Variants in CNTNAP2 observed in about 807,000 individuals in gnomAD.
The protein encoded by CNTNAP2 is contactin associated protein 2, also known as contactin-associated protein-like 2.
Under a neutral mutation model 155.2 loss-of-function variants are expected in CNTNAP2, and 98 were observed. The observed-to-expected ratio is 0.63, with a 90% CI of 0.54 to 0.75. The LOEUF (loss-of-function observed/expected upper bound fraction) is 0.75. CNTNAP2 is among the 30% of genes least tolerant of loss of function. The pLI is 0.00. For synonymous variants in CNTNAP2, 651 were observed against 631.2 expected, an observed-to-expected ratio of 1.03 and a Z score of -0.47; for missense variants, 1,727 against 1,688.1, an observed-to-expected ratio of 1.02 and a Z score of -0.40.
chr7:148,134,033 C>A (rs1030693345), intron 16 of CNTNAP2, among the ~76,000 whole-genome samples: 1 of 152,158 alleles, frequency 6.6e-6, no homozygotes, highest in Non-Finnish European at 1.5e-5. Context: ...AGGACCACTT[C>A]AAAGATACCT....
rs1246877925 is a variant in CNTNAP2, at chr7:148,366,031, T to C, written c.3476-17618T>C. Among the ~76,000 whole-genome samples, 2 of 1,648 alleles carry C rather than the reference T, an allele frequency of 1.2e-3. 1 individual carries two copies. Among genetic ancestry groups the C allele is most frequent in the African/African-American group, 1.4e-3 (2 of 1,448 alleles). 1.1% of individuals were successfully genotyped at this position (1,648 alleles called of 152,430 possible). On this transcript the variant is annotated intron_variant, in intron 21 of 23. Coordinates refer to ENST00000361727, the MANE Select transcript of CNTNAP2 (RefSeq NM_014141.6). ...ATGTGTGTATGCATGTATGCATGTG[T>C]GTGTATGCATGTATGCATGTGTGTG...
intron 11 of CNTNAP2, among the ~76,000 whole-genome samples, chr7:147,510,764 A>G (rs1799001944): frequency 6.7e-6 from 1 of 148,954 alleles, no homozygotes; most frequent in African/African-American, 2.5e-5. Flanking sequence ...TATGACAAAT[A>G]TTGCTTGGAA....
At chr7:146,483,127 T>G (rs1284040416) in intron 1 of CNTNAP2, among the ~76,000 whole-genome samples, 3 of 149,882 alleles carry the variant, frequency 2.0e-5, no homozygotes, top group African/African-American at 7.3e-5. Context: ...ATACAAAAAA[T>G]TAGCCGGGCA....
At chr7:146,930,752 A>C (rs1471449390) in intron 3 of CNTNAP2, among the ~76,000 whole-genome samples, 3 of 152,182 alleles carry the variant, frequency 2.0e-5, no homozygotes, top group Non-Finnish European at 2.9e-5. Context: ...TCTACCAAGC[A>C]AATGGAAAAC....
intron 13 of CNTNAP2, among the ~76,000 whole-genome samples, chr7:147,849,620 C>A: frequency 6.6e-6 from 1 of 152,188 alleles, no homozygotes; most frequent in East Asian, 1.9e-4. Flanking sequence ...TAGAAACATG[C>A]AAAGAAACCT....
chr7:146,827,989 T>A (rs1368818083), intron 2 of CNTNAP2, among the ~76,000 whole-genome samples: 1 of 152,116 alleles, frequency 6.6e-6, no homozygotes, highest in Non-Finnish European at 1.5e-5. Context: ...ATATGACATA[T>A]CTGGTTTTCC....
chr7:147,245,438 CTG>C (rs1406974731), intron 8 of CNTNAP2, among the ~76,000 whole-genome samples: 3 of 152,068 alleles, frequency 2.0e-5, no homozygotes, highest in African/African-American at 7.2e-5. Flanking sequence ...GCATCAGTTG[CTG>C]TTTCATCCCG....
chr7:146,396,447 A>G (rs1014580062), intron 1 of CNTNAP2, among the ~76,000 whole-genome samples: 4 of 152,046 alleles, frequency 2.6e-5, no homozygotes, highest in Admixed American at 6.5e-5. Flanking sequence ...TTACTAAATT[A>G]TTAATTCTAG....
chr7:146,136,005 C>T (rs1334504676), intron 1 of CNTNAP2, among the ~76,000 whole-genome samples: 1 of 151,994 alleles, frequency 6.6e-6, no homozygotes, highest in Non-Finnish European at 1.5e-5. Flanking sequence ...ATTAAGCTTA[C>T]CGATATGTAA....
At chr7:147,014,680 G>A (rs1798687501) in intron 3 of CNTNAP2, among the ~76,000 whole-genome samples, 1 of 152,098 alleles carries the variant, frequency 6.6e-6, no homozygotes, top group East Asian at 1.9e-4. Context: ...CAAGTGGATT[G>A]ATTTAACAGC....
At chr7:147,814,821 A>G (rs1174451098) in intron 13 of CNTNAP2, among the ~76,000 whole-genome samples, 1 of 152,176 alleles carries the variant, frequency 6.6e-6, no homozygotes, top group Non-Finnish European at 1.5e-5. Flanking sequence ...ACATGATTAT[A>G]TATATAGTCG....
intron 1 of CNTNAP2, among the ~76,000 whole-genome samples, chr7:146,655,911 TCTC>T (rs1799988974): frequency 6.6e-6 from 1 of 152,220 alleles, no homozygotes; most frequent in Admixed American, 6.5e-5. Context: ...TTCCTTGTCT[TCTC>T]TGAGCATCTC....
chr7:147,373,903 G>A (rs1006661182), intron 9 of CNTNAP2, among the ~76,000 whole-genome samples: 2 of 151,906 alleles, frequency 1.3e-5, no homozygotes, highest in South Asian at 4.1e-4. Context: ...AATATAAACT[G>A]CCAATATTTT....
chr7:146,155,763 G>T (rs1311366322), intron 1 of CNTNAP2, among the ~76,000 whole-genome samples: 1 of 151,506 alleles, frequency 6.6e-6, no homozygotes, highest in African/African-American at 2.4e-5. Flanking sequence ...GCAATGGCGG[G>T]ATCTTGGCTC....
At chr7:147,775,949 T>C (rs965190241) in intron 13 of CNTNAP2, among the ~76,000 whole-genome samples, 1 of 152,192 alleles carries the variant, frequency 6.6e-6, no homozygotes, top group Non-Finnish European at 1.5e-5. Flanking sequence ...AATGGATTTG[T>C]TTTGTATTGT....
intron 13 of CNTNAP2, among the ~76,000 whole-genome samples, chr7:147,830,786 A>C (rs1469848209): frequency 6.6e-6 from 1 of 152,208 alleles, no homozygotes; most frequent in Non-Finnish European, 1.5e-5. Context: ...TGTATTAGTG[A>C]GTTCCTGCTG....
chr7:146,152,233 G>T (rs1230563778), intron 1 of CNTNAP2, among the ~76,000 whole-genome samples: 1 of 151,938 alleles, frequency 6.6e-6, no homozygotes, highest in Admixed American at 6.6e-5. Context: ...TGAACCTGGA[G>T]GAAATTATGT....
intron 21 of CNTNAP2, among the ~76,000 whole-genome samples, chr7:148,303,394 G>A (rs1478098073): frequency 6.6e-6 from 1 of 152,138 alleles, no homozygotes; most frequent in African/African-American, 2.4e-5. Flanking sequence ...ACGGGTAGGT[G>A]GACAGCCAAC....
At chr7:146,548,025 T>A (rs1349649618) in intron 1 of CNTNAP2, among the ~76,000 whole-genome samples, 1 of 151,904 alleles carries the variant, frequency 6.6e-6, no homozygotes, top group African/African-American at 2.4e-5. Context: ...GGTAAACTTT[T>A]GTCATGGGGG....
Sources: gnomAD v4.1 joint callset for allele counts (sites outside exome capture counted in the v4.1 genomes callset) on GRCh38, gnomAD v4.1.1 for gene constraint, MANE v1.5 for transcripts, NCBI Gene and HGNC (gene_info 2026-07-23, HGNC 2026-07-21) for gene names.